ZNF696: variants seen among roughly 807,000 people sequenced by gnomAD.
ZNF696 encodes zinc finger protein 696.
ZNF696 carries 10 observed loss-of-function variants against 12.3 expected under a neutral mutation model. The ratio of observed to expected loss-of-function variants is 0.81; its 90% CI spans 0.50 to 1.38. The LOEUF (loss-of-function observed/expected upper bound fraction) is 1.38, where lower values mean the gene tolerates loss of function less well. Among genes scored for constraint, ZNF696 ranks in the 40% most tolerant of loss-of-function variants. The probability of loss-of-function intolerance (pLI) is 0.00; values close to 1 mark genes in which losing one functional copy is unlikely to be tolerated. For missense variants in ZNF696, 675 were observed against 554.7 expected (o/e 1.22, Z -2.18); for synonymous variants, 304 against 243.9 (o/e 1.25, Z -2.29).
In ZNF696 at chr8:143,298,597, G is replaced by A. The variant is rs1328464739; in HGVS notation, c.*1797G>A. Among the ~76,000 whole-genome samples the A allele has an allele frequency of 6.6e-6, 1 of 152,174 alleles. No homozygotes were observed. The highest frequency in any genetic ancestry group is 2.4e-5 in the African/African-American group (1 of 41,434). ...GACTGAGGGCCAACAGAAACAGCAG[G>A]CAGCCGCTGTCAGCCACAAAGAAAC... On this transcript the variant is annotated 3_prime_UTR_variant, in exon 3 of 3. Transcript: ENST00000330143.
rs1344287901 is a variant in ZNF696 at position 143,299,811 on chromosome 8, A to AC, written c.*3012dup. 6.6e-6 allele frequency among the ~76,000 whole-genome samples: 1 copy of AC among 152,074 alleles called. No individual in the cohort carries two copies. The highest frequency in any genetic ancestry group is 1.5e-5 in the Non-Finnish European group (1 of 68,014). ...GGGAGAACCTGTCTCTACAAAAAAT[A>AC]CAGTAAGTAAGCCTATAGTTCCAGC... On this transcript the variant is annotated 3_prime_UTR_variant, in exon 3 of 3. Transcript: ENST00000330143.
rs1433068261 is a variant in ZNF696 at position 143,297,067 on chromosome 8, G to A, written c.*267G>A. On this transcript the variant is annotated 3_prime_UTR_variant, in exon 3 of 3. Transcript: ENST00000330143. ...GGGGTCTGTCCCGGGCCGGCCGCCC[G>A]CCTCTGAGACTCCCCGCCTCCCACG... 8.2e-6 allele frequency: 3 copies of A among 367,588 alleles called. No homozygotes were observed. The highest frequency in any genetic ancestry group is 1.4e-5 in the Non-Finnish European group (3 of 207,274). The allele number at this position is 367,588 out of a possible 1,614,324, so 22.8% of individuals were successfully genotyped here.
In ZNF696 at chr8:143,295,087, AAAGG is replaced by A. The variant is rs371329034; in HGVS notation, c.65-643_65-640del. Among the ~76,000 whole-genome samples, 277 of 151,990 alleles carry A rather than the reference AAAGG, an allele frequency of 1.8e-3. 3 individuals carry two copies. The highest frequency in any genetic ancestry group is 6.3e-3 in the African/African-American group (261 of 41,486). On this transcript the variant is annotated intron_variant, in intron 2 of 2. Transcript: ENST00000330143. ...ATAGAGCAAGACCCTGGCTCACAAG[AAAGG>A]AAGGAAGGACAGACAGAAGGCAGAG...
Position 143,298,632 on chromosome 8 carries a change from G to C in ZNF696, c.*1832G>C, listed in dbSNP as rs1334640133. 6.6e-6 allele frequency among the ~76,000 whole-genome samples: 1 copy of C among 152,218 alleles called. No homozygotes were observed. The highest frequency in any genetic ancestry group is 1.5e-5 in the Non-Finnish European group (1 of 68,038). ...TCAGCCACAAAGAAACGCAGATCCTGAAACTGTCATCATACAGGTGAGAGG... is the reference window on the plus strand; with the variant it reads ...TCAGCCACAAAGAAACGCAGATCCTCAAACTGTCATCATACAGGTGAGAGG... On this transcript the variant is annotated 3_prime_UTR_variant, in exon 3 of 3. Coordinates refer to ENST00000330143, the MANE Select transcript of ZNF696 (RefSeq NM_030895.3).
At position 143,296,906 on chromosome 8, in the gene ZNF696, G is replaced by GC. The variant is rs1815730753; in HGVS notation, c.*107dup. On this transcript the variant is annotated 3_prime_UTR_variant, in exon 3 of 3. Transcript: ENST00000330143. ...CGCGGTGAGGAAGTAACAGCCGGCT[G>GC]CGCGCCTGGTTCTCGGGTTGCGAAA... 1 of 1,117,186 alleles carries GC rather than the reference G, an allele frequency of 9.0e-7. No homozygotes were observed. 69.2% of individuals were successfully genotyped at this position (1,117,186 alleles called of 1,614,324 possible).
chr8:143,296,188 C>A lies in ZNF696; in HGVS notation c.513C>A (p.His171Gln). 1 of 1,600,082 alleles carries A rather than the reference C, an allele frequency of 6.2e-7. No homozygotes were observed. Among genetic ancestry groups the A allele is most frequent in the Non-Finnish European group, 8.5e-7 (1 of 1,176,132 alleles). The change falls in exon 3 of 3, where the codon CAC becomes CAA. Residue 171 changes from histidine to glutamine, a missense_variant. Coordinates refer to ENST00000330143, the MANE Select transcript of ZNF696 (RefSeq NM_030895.3). ...TCCACAGCTCGCACGTGGTCCGGCA[C>A]CAGCGGGCGCACAGCGGGGAGAGGC... ...AFIHSSHVVR[H>Q]QRAHSGERPY... is the part of the protein sequence containing the mutation.
rs977264570 is a variant in ZNF696 at position 143,295,548 on chromosome 8, G to A, written c.65-192G>A. On this transcript the variant is annotated intron_variant, in intron 2 of 2. Coordinates refer to ENST00000330143, the MANE Select transcript of ZNF696 (RefSeq NM_030895.3). ...GGATTCTCGTCTACCTCATAACCAT[G>A]GGGGTTAAGAAGGTGGGGAGGAGAA... 5 of 696,762 alleles carry A rather than the reference G, an allele frequency of 7.2e-6. No homozygotes were observed. The highest frequency in any genetic ancestry group is 7.1e-5 in the African/African-American group (4 of 56,064). The allele number at this position is 696,762 out of a possible 1,614,324, so 43.2% of individuals were successfully genotyped here. A position where few individuals can be genotyped will look rare whatever the true frequency, so the allele number is the denominator to read the frequency against.
rs1416993954 is a variant in ZNF696, at chr8:143,296,289, G to A, written c.614G>A (p.Gly205Asp). Residue 205 changes from glycine (G) to aspartate (D), a missense_variant, in exon 3 of 3, where the codon GGC (glycine) becomes GAC (aspartate). Physicochemically the swap from Gly to Asp is moderately conservative, Grantham distance 94. Coordinates refer to ENST00000330143, the MANE Select transcript of ZNF696 (RefSeq NM_030895.3). The stretch of plus-strand genomic sequence containing the variant: ...CTCCGGCACCAGCGCGTGCACACGG[G>A]CGAGAAGCCCTACGCGTGCGCCGAC... ...NLLRHQRVHT[G>D]EKPYACADCG... The A allele has an allele frequency of 6.3e-6, 10 of 1,599,440 alleles. No individual in the cohort carries two copies. The highest frequency in any genetic ancestry group is 6.8e-6 in the Non-Finnish European group (8 of 1,176,332).
Position 143,296,486 on chromosome 8 carries a change from G to A in ZNF696, c.811G>A (p.Gly271Ser), listed in dbSNP as rs1389416705. ...GAACCCGTACGAGTGCCGGGAGTGC[G>A]GCCAGGCCTTCAGCCAGAGCTCCAA... Reference protein sequence around the residue: ...GENPYECRECGQAFSQSSNLL... With the variant: ...GENPYECRECSQAFSQSSNLL... Residue 271 changes from glycine to serine, a missense_variant, in exon 3 of 3, where the codon GGC becomes AGC. Gly to Ser is a moderately conservative substitution (Grantham distance 56). Transcript: ENST00000330143. 1.9e-6 allele frequency: 3 copies of A among 1,608,756 alleles called. No homozygotes were observed. Among genetic ancestry groups the A allele is most frequent in the Non-Finnish European group, 1.7e-6 (2 of 1,179,188 alleles).
In ZNF696 at chr8:143,296,971, C is replaced by A; in HGVS notation, c.*171C>A. On this transcript the variant is annotated 3_prime_UTR_variant, in exon 3 of 3. Transcript: ENST00000330143. Reference sequence around the variant, plus strand: ...GCATCCGCCTTGGCTTGGGAGCAATCAGGAGAGACAGGGCTCGGGGAAGGC... The same window carrying A: ...GCATCCGCCTTGGCTTGGGAGCAATAAGGAGAGACAGGGCTCGGGGAAGGC... The A allele has an allele frequency of 1.7e-6, 1 of 600,820 alleles. No homozygotes were observed. The highest frequency in any genetic ancestry group is 2.6e-6 in the Non-Finnish European group (1 of 388,600). The allele number at this position is 600,820 out of a possible 1,614,324, so 37.2% of individuals were successfully genotyped here. A position where few individuals can be genotyped will look rare whatever the true frequency, so the allele number is the denominator to read the frequency against.
Position 143,296,916 on chromosome 8 carries a change from T to C in ZNF696, c.*116T>C. 9.4e-7 allele frequency: 1 copy of C among 1,062,974 alleles called. No homozygotes were observed. Among genetic ancestry groups the C allele is most frequent in the Non-Finnish European group, 1.2e-6 (1 of 801,840 alleles). 65.8% of individuals were successfully genotyped at this position (1,062,974 alleles called of 1,614,324 possible). A position where few individuals can be genotyped will look rare whatever the true frequency, so the allele number is the denominator to read the frequency against. ...AAGTAACAGCCGGCTGCGCGCCTGG[T>C]TCTCGGGTTGCGAAAGCCTCGCCAG... On this transcript the variant is annotated 3_prime_UTR_variant, in exon 3 of 3. Transcript: ENST00000330143.
rs925579618 is a variant in ZNF696 at position 143,299,452 on chromosome 8, C to G, written c.*2652C>G. On this transcript the variant is annotated 3_prime_UTR_variant, in exon 3 of 3. Transcript: ENST00000330143. ...AAGAGTGTAACCAGTCTATACATCT[C>G]TAATCCAATAAAAAGAATAAAACAC... Among the ~76,000 whole-genome samples, 1 of 152,102 alleles carries G rather than the reference C, an allele frequency of 6.6e-6. No individual in the cohort carries two copies. The highest frequency in any genetic ancestry group is 1.5e-5 in the Non-Finnish European group (1 of 67,998).
At chr8:143,293,389 G>A (rs1815657232) in intron 2 of ZNF696, 5 of 496,800 alleles carry the variant, frequency 1.0e-5, no homozygotes, top group African/African-American at 7.7e-5. Flanking sequence ...GGGCCATCCT[G>A]TGTGTTGTAG....
At position 143,296,995 on chromosome 8, in the gene ZNF696, G is replaced by A; in HGVS notation, c.*195G>A. 1.9e-6 allele frequency: 1 copy of A among 530,152 alleles called. No homozygotes were observed. Among genetic ancestry groups the A allele is most frequent in the Non-Finnish European group, 3.0e-6 (1 of 331,064 alleles). 32.8% of individuals were successfully genotyped at this position (530,152 alleles called of 1,614,324 possible). On this transcript the variant is annotated 3_prime_UTR_variant, in exon 3 of 3. Coordinates refer to ENST00000330143, the MANE Select transcript of ZNF696 (RefSeq NM_030895.3). ...TCAGGAGAGACAGGGCTCGGGGAAG[G>A]CGAGCGCTGCCCGCGGGAGGCGATT...
rs576805581 is a variant in ZNF696 at position 143,295,891 on chromosome 8, C to T, written c.216C>T (p.Gly72=). ...GGPPRALGSL[G]LCENQEARER... ...CTCCCCGGGCGTTGGGGTCTCTTGG[C>T]CTTTGTGAAAACCAGGAAGCCAGAG... Residue 72 remains glycine (G), a synonymous_variant, in exon 3 of 3, where the codon GGC becomes GGT. Transcript: ENST00000330143. 2 of 1,565,218 alleles carry T rather than the reference C, an allele frequency of 1.3e-6. No homozygotes were observed. Among genetic ancestry groups the T allele is most frequent in the African/African-American group, 1.4e-5 (1 of 73,788 alleles).
Position 143,296,924 on chromosome 8 carries a change from T to A in ZNF696, c.*124T>A, listed in dbSNP as rs1815730999. 1 of 990,804 alleles carries A rather than the reference T, an allele frequency of 1.0e-6. No homozygotes were observed. Among genetic ancestry groups the A allele is most frequent in the Non-Finnish European group, 1.4e-6 (1 of 736,706 alleles). The allele number at this position is 990,804 out of a possible 1,614,324, so 61.4% of individuals were successfully genotyped here. On this transcript the variant is annotated 3_prime_UTR_variant, in exon 3 of 3. Coordinates refer to ENST00000330143, the MANE Select transcript of ZNF696 (RefSeq NM_030895.3). The stretch of plus-strand genomic sequence containing the variant: ...GCCGGCTGCGCGCCTGGTTCTCGGG[T>A]TGCGAAAGCCTCGCCAGGCCTGCAT...
rs567900926 is a variant in ZNF696 at position 143,296,980 on chromosome 8, CAG to C, written c.*181_*182del. The stretch of plus-strand genomic sequence containing the variant: ...TTGGCTTGGGAGCAATCAGGAGAGA[CAG>C]GGCTCGGGGAAGGCGAGCGCTGCCC... On this transcript the variant is annotated 3_prime_UTR_variant, in exon 3 of 3. Transcript: ENST00000330143. 70 of 584,488 alleles carry C rather than the reference CAG, an allele frequency of 1.2e-4. No homozygotes were observed. In the East Asian group the frequency reaches 1.8e-3, roughly 15 times the overall value. 36.2% of individuals were successfully genotyped at this position (584,488 alleles called of 1,614,324 possible). A position where few individuals can be genotyped will look rare whatever the true frequency, so the allele number is the denominator to read the frequency against.
Position 143,296,269 on chromosome 8 carries a change from G to C in ZNF696, c.594G>C (p.Arg198=). ...TCGGCCAGAGCTTCAACCTCCTCCGGCACCAGCGCGTGCACACGGGCGAGA... is the reference window on the plus strand; with the variant it reads ...TCGGCCAGAGCTTCAACCTCCTCCGCCACCAGCGCGTGCACACGGGCGAGA... ...KAFGQSFNLL[R]HQRVHTGEKP... The change falls in exon 3 of 3, where the codon CGG becomes CGC. Residue 198 remains arginine, a synonymous_variant. Coordinates refer to ENST00000330143, the MANE Select transcript of ZNF696 (RefSeq NM_030895.3). The C allele has an allele frequency of 6.3e-7, 1 of 1,598,576 alleles. No homozygotes were observed. Among genetic ancestry groups the C allele is most frequent in the South Asian group, 1.1e-5 (1 of 90,450 alleles).
Position 143,296,007 on chromosome 8 carries a change from GC to G in ZNF696, c.336del (p.Gly113AlafsTer248). ...GAGTCAGACGTCCCTCCGAACGCAGGCCCCGGCGCAGAGGGCGGGGGCAGCT... is the reference window on the plus strand; with the variant it reads ...GAGTCAGACGTCCCTCCGAACGCAGGCCCGGCGCAGAGGGCGGGGGCAGCT... The part of the protein sequence containing the change: ...GLESDVPPNA[G>X]PGAEGGGSWK... On this transcript the variant is annotated frameshift_variant, in exon 3 of 3. Coordinates refer to ENST00000330143, the MANE Select transcript of ZNF696 (RefSeq NM_030895.3). LOFTEE classifies it low-confidence loss of function (END_TRUNC). The G allele has an allele frequency of 6.3e-7, 1 of 1,595,194 alleles. No homozygotes were observed. The highest frequency in any genetic ancestry group is 1.7e-5 in the Admixed American group (1 of 58,098).
Sources: gnomAD v4.1 joint callset for allele counts (sites outside exome capture counted in the v4.1 genomes callset) on GRCh38, gnomAD v4.1.1 for gene constraint, MANE v1.5 for transcripts, NCBI Gene and HGNC (gene_info 2026-07-23, HGNC 2026-07-21) for gene names.